ADORA2B: variants seen among roughly 807,000 people sequenced by gnomAD.
The protein encoded by ADORA2B is adenosine A2b receptor, also known as adenosine receptor A2b.
In ADORA2B, 18 loss-of-function variants were observed where a neutral mutation model predicts 20.8. The ratio of observed to expected loss-of-function variants is 0.87; its 90% CI spans 0.60 to 1.29. ADORA2B has a LOEUF of 1.29. ADORA2B is among the 50% of genes most tolerant of loss of function. The probability of loss-of-function intolerance (pLI) is 0.00; values close to 1 mark genes in which losing one functional copy is unlikely to be tolerated. For synonymous variants in ADORA2B, 179 were observed against 178.3 expected (o/e 1.00, Z -0.03); for missense variants, 441 against 422.7 (o/e 1.04, Z -0.38).
chr17:15,934,428 A>G, the ADORA2B span, among the ~76,000 whole-genome samples: 1 of 152,008 alleles, frequency 6.6e-6, no homozygotes, highest in East Asian at 1.9e-4. Context: ...GTTTCACCAT[A>G]TTGGCCAGGC....
the ADORA2B span, among the ~76,000 whole-genome samples, chr17:15,915,621 A>G: frequency 1.3e-5 from 2 of 152,236 alleles, no homozygotes; most frequent in African/African-American, 2.4e-5. Context: ...GTGGACAGAA[A>G]GGGAATGAGA....
the ADORA2B span, among the ~76,000 whole-genome samples, chr17:15,930,116 C>G: frequency 6.6e-6 from 1 of 152,244 alleles, no homozygotes; most frequent in Middle Eastern, 3.4e-3. Flanking sequence ...ACCCCACACC[C>G]TGCAGGGGCT....
the ADORA2B span, among the ~76,000 whole-genome samples, chr17:15,923,491 G>A: frequency 6.7e-3 from 1,007 of 151,222 alleles, 11 homozygotes; most frequent in African/African-American, 0.023. Flanking sequence ...TGCAACCTCC[G>A]CCTGCTGGGT....
At chr17:15,918,999 C>G in the ADORA2B span, among the ~76,000 whole-genome samples, 7 of 152,142 alleles carry the variant, frequency 4.6e-5, no homozygotes, top group African/African-American at 1.7e-4. Context: ...CCACCAACAT[C>G]CGGTTTATGG....
the ADORA2B span, among the ~76,000 whole-genome samples, chr17:15,926,417 G>T: frequency 6.6e-6 from 1 of 152,066 alleles, no homozygotes; most frequent in Non-Finnish European, 1.5e-5. Flanking sequence ...GTCAGAGGAA[G>T]TCCCTGAGTG....
the ADORA2B span, among the ~76,000 whole-genome samples, chr17:15,860,364 A>C: frequency 6.6e-6 from 1 of 152,130 alleles, no homozygotes; most frequent in Non-Finnish European, 1.5e-5. Context: ...TGTGGCTGGA[A>C]TGGCCTTTCT....
chr17:15,950,078 A>C (rs1392023819), intron 1 of ADORA2B, among the ~76,000 whole-genome samples: 2 of 152,220 alleles, frequency 1.3e-5, no homozygotes, highest in African/African-American at 4.8e-5. Context: ...TGGCCAAAAC[A>C]AAAAACAACC....
chr17:15,850,906 A>C, the ADORA2B span, among the ~76,000 whole-genome samples: 1 of 152,202 alleles, frequency 6.6e-6, no homozygotes, highest in East Asian at 1.9e-4. Context: ...TTGCTAACAC[A>C]TCTTTTGTCG....
chr17:15,945,845 C>T (rs1424263445), intron 1 of ADORA2B, among the ~76,000 whole-genome samples: 1 of 151,856 alleles, frequency 6.6e-6, no homozygotes, highest in Non-Finnish European at 1.5e-5. Flanking sequence ...GTGCGGTCCC[C>T]GGCGCCCGGG....
At chr17:15,949,585 G>T (rs577139327) in intron 1 of ADORA2B, among the ~76,000 whole-genome samples, 1 of 151,954 alleles carries the variant, frequency 6.6e-6, no homozygotes, top group South Asian at 2.1e-4. Flanking sequence ...ATAAAGCTTG[G>T]CAGGGGCTGG....
the ADORA2B span, among the ~76,000 whole-genome samples, chr17:15,855,723 T>G: frequency 6.6e-6 from 1 of 152,080 alleles, no homozygotes; most frequent in African/African-American, 2.4e-5. Flanking sequence ...AGATTCAGGG[T>G]ACATGTGCAG....
the ADORA2B span, among the ~76,000 whole-genome samples, chr17:15,872,966 C>G: frequency 6.6e-6 from 1 of 152,154 alleles, no homozygotes; most frequent in East Asian, 1.9e-4. Context: ...AAGTGGGCAT[C>G]ATTGTCTTGT....
At chr17:15,860,158 T>C in the ADORA2B span, among the ~76,000 whole-genome samples, 4 of 152,058 alleles carry the variant, frequency 2.6e-5, no homozygotes, top group Non-Finnish European at 4.4e-5. Flanking sequence ...CCCTCTCACG[T>C]GGACCCCCTT....
chr17:15,863,655 G>A, the ADORA2B span, among the ~76,000 whole-genome samples: 4 of 152,242 alleles, frequency 2.6e-5, no homozygotes, highest in East Asian at 1.9e-4. Flanking sequence ...TGCTGTGCCC[G>A]TCTCTACCTT....
chr17:15,922,075 A>C, the ADORA2B span, among the ~76,000 whole-genome samples: 1 of 152,192 alleles, frequency 6.6e-6, no homozygotes, highest in East Asian at 1.9e-4. Context: ...TTAAAGTTTA[A>C]CTCTGAATAG....
At chr17:15,855,190 C>A in the ADORA2B span, among the ~76,000 whole-genome samples, 1 of 152,168 alleles carries the variant, frequency 6.6e-6, no homozygotes, top group African/African-American at 2.4e-5. Context: ...CTCGGCCTCC[C>A]AAAGTGCTGG....
At chr17:15,904,913 T>C in the ADORA2B span, among the ~76,000 whole-genome samples, 11 of 152,352 alleles carry the variant, frequency 7.2e-5, no homozygotes, top group East Asian at 1.7e-3. Context: ...TATTGATTTA[T>C]AATCTGTTCC....
the ADORA2B span, among the ~76,000 whole-genome samples, chr17:15,918,174 C>T: frequency 2.0e-5 from 3 of 152,168 alleles, no homozygotes; most frequent in South Asian, 6.2e-4. Flanking sequence ...GGAGCTGCTC[C>T]TGGCCTCTTA....
chr17:15,918,716 C>T, the ADORA2B span, among the ~76,000 whole-genome samples: 3 of 152,170 alleles, frequency 2.0e-5, no homozygotes, highest in African/African-American at 2.4e-5. Context: ...GTGATCTACC[C>T]GCCTCGGCCT....
Sources: allele counts gnomAD v4.1 joint callset (sites outside exome capture counted in the v4.1 genomes callset), GRCh38; gene constraint gnomAD v4.1.1; transcripts MANE v1.5; gene names NCBI Gene and HGNC (gene_info 2026-07-23, HGNC 2026-07-21).